SNRNP48: variants seen among roughly 807,000 people sequenced by gnomAD.
The protein encoded by SNRNP48 is small nuclear ribonucleoprotein U11/U12 subunit 48.
Under a neutral mutation model 47.0 loss-of-function variants are expected in SNRNP48, and 43 were observed. The observed-to-expected ratio is 0.92, with a 90% confidence interval of 0.72 to 1.18. The LOEUF (loss-of-function observed/expected upper bound fraction) is 1.18, where lower values mean the gene tolerates loss of function less well. Among genes scored for constraint, SNRNP48 ranks in the 50% most tolerant of loss-of-function variants. The pLI is 0.00. For synonymous variants in SNRNP48, 138 were observed against 144.0 expected (o/e 0.96, Z 0.30); for missense variants, 396 against 422.2 (o/e 0.94, Z 0.54).
In SNRNP48 at chr6:7,601,456, G is replaced by A. The variant is rs747673719; in HGVS notation, c.527G>A (p.Arg176His). The change falls in exon 5 of 9, where the codon CGC becomes CAC. Residue 176 changes from arginine (R) to histidine (H), a missense_variant. Physicochemically the swap from Arg to His is conservative, Grantham distance 29. Transcript: ENST00000342415. Reference sequence around the variant, plus strand: ...GTAGTTGAGGAGACAAAGAAAAAGCGCTCTGATTCTCAAATTATTGAAAAT... The same window carrying A: ...GTAGTTGAGGAGACAAAGAAAAAGCACTCTGATTCTCAAATTATTGAAAAT... ...DFVVEETKKKRSDSQIIENDS... is the reference protein window; with the variant it reads ...DFVVEETKKKHSDSQIIENDS... 3.9e-5 allele frequency: 63 copies of A among 1,601,162 alleles called. No individual in the cohort carries two copies. The highest frequency in any genetic ancestry group is 1.2e-4 in the African/African-American group (9 of 73,978).
intron 4 of SNRNP48, among the ~76,000 whole-genome samples, chr6:7,595,726 A>G (rs1339934714): frequency 1.3e-5 from 2 of 152,208 alleles, no homozygotes; most frequent in Non-Finnish European, 2.9e-5. Flanking sequence ...CTACCCTCAG[A>G]TTGCTTGCTA....
chr6:7,599,616 C>G, intron 4 of SNRNP48: 1 of 1,025,108 alleles, frequency 9.8e-7, no homozygotes, highest in Non-Finnish European at 1.3e-6. Flanking sequence ...TATCTATGTT[C>G]CGAATGAATT....
At chr6:7,597,370 ATC>A (rs1759922191) in intron 4 of SNRNP48, among the ~76,000 whole-genome samples, 1 of 152,232 alleles carries the variant, frequency 6.6e-6, no homozygotes, top group Admixed American at 6.5e-5. Flanking sequence ...CAAACTTCAT[ATC>A]TCTGCATACT....
At chr6:7,594,480 G>A (rs954879046) in intron 3 of SNRNP48, among the ~76,000 whole-genome samples, 12 of 152,114 alleles carry the variant, frequency 7.9e-5, no homozygotes, top group African/African-American at 2.7e-4. Flanking sequence ...TGTGTTCCAG[G>A]GATTGACAGC....
intron 8 of SNRNP48, 129 bp from the exon 9 acceptor site, chr6:7,608,696 C>T: frequency 2.5e-6 from 1 of 393,854 alleles, no homozygotes; most frequent in Non-Finnish European, 4.6e-6. Context: ...CCAGAAAATT[C>T]TTTTCAAATA....
At chr6:7,591,771 G>A (rs1288770272) in intron 1 of SNRNP48, among the ~76,000 whole-genome samples, 1 of 152,156 alleles carries the variant, frequency 6.6e-6, no homozygotes, top group East Asian at 1.9e-4. Context: ...TTATAGACGA[G>A]GAAAGGAACA....
intron 4 of SNRNP48, among the ~76,000 whole-genome samples, chr6:7,598,057 C>T (rs868618763): frequency 1.1e-4 from 16 of 151,168 alleles, no homozygotes; most frequent in East Asian, 4.0e-4. Flanking sequence ...TTAGTAGAGA[C>T]GGGGTTTCAC....
At chr6:7,594,535 G>C (rs919730901) in intron 3 of SNRNP48, among the ~76,000 whole-genome samples, 1 of 152,148 alleles carries the variant, frequency 6.6e-6, no homozygotes, top group Non-Finnish European at 1.5e-5. Context: ...AGAATGTCCT[G>C]ATTCAACTCC....
chr6:7,606,121 GAGTAGAAGCCCACATAAA>G lies in SNRNP48; in HGVS notation c.900_917del (p.Ser300_Lys305del). ...AGTGTTCACGACATAGAAGGGATAG[GAGTAGAAGCCCACATAAA>G]AGAAAAAGAAACAAAGATAAGGATA... On this transcript the variant is annotated inframe_deletion, in exon 8 of 9. Transcript: ENST00000342415. 1 of 1,613,920 alleles carries G rather than the reference GAGTAGAAGCCCACATAAA, an allele frequency of 6.2e-7. No homozygotes were observed. Among genetic ancestry groups the G allele is most frequent in the Non-Finnish European group, 8.5e-7 (1 of 1,179,958 alleles).
chr6:7,601,584 A>G, intron 5 of SNRNP48, 60 bp downstream of exon 5: 1 of 1,401,392 alleles, frequency 7.1e-7, no homozygotes, highest in Non-Finnish European at 9.4e-7. Context: ...TATGAGTGTT[A>G]TTAAGATGAT....
rs1010468785 is a variant in SNRNP48 at position 7,609,117 on chromosome 6, A to C, written c.*244A>C. The C allele has an allele frequency of 3.8e-6, 1 of 262,258 alleles. No individual in the cohort carries two copies. The highest frequency in any genetic ancestry group is 7.3e-6 in the Non-Finnish European group (1 of 137,356). The allele number at this position is 262,258 out of a possible 1,614,324, so 16.2% of individuals were successfully genotyped here. A position where few individuals can be genotyped will look rare whatever the true frequency, so the allele number is the denominator to read the frequency against. ...TTAGATGATTTGCTTCCTATAACTGATGTTGTTTTGTTCGTTTTGCTAATA... is the reference window on the plus strand; with the variant it reads ...TTAGATGATTTGCTTCCTATAACTGCTGTTGTTTTGTTCGTTTTGCTAATA... On this transcript the variant is annotated 3_prime_UTR_variant, in exon 9 of 9. Transcript: ENST00000342415.
intron 4 of SNRNP48, among the ~76,000 whole-genome samples, chr6:7,596,075 C>G (rs972471465): frequency 1.3e-5 from 2 of 152,128 alleles, no homozygotes; most frequent in African/African-American, 4.8e-5. Flanking sequence ...ACCACCCTGG[C>G]CAACATGGCG....
At chr6:7,604,430 T>C (rs997842320) in intron 6 of SNRNP48, among the ~76,000 whole-genome samples, 7 of 152,206 alleles carry the variant, frequency 4.6e-5, no homozygotes, top group Admixed American at 1.3e-4. Flanking sequence ...AGGGCTTCTC[T>C]GTTGAGAGAT....
rs1561717303 is a variant in SNRNP48 at position 7,609,912 on chromosome 6, A to G, written c.*1039A>G. ...CAAAATTCTCATACCCCCTTTCCCA[A>G]TCAATTCCTCTACCCCTAGCCCTAG... is the stretch of plus-strand genomic sequence containing the variant. On this transcript the variant is annotated 3_prime_UTR_variant, in exon 9 of 9. Transcript: ENST00000342415. 2.0e-5 allele frequency: 3 copies of G among 152,086 alleles called. No homozygotes were observed. Among genetic ancestry groups the G allele is most frequent in the South Asian group, 4.2e-4 (2 of 4,814 alleles). 9.4% of individuals were successfully genotyped at this position (152,086 alleles called of 1,614,324 possible). A position where few individuals can be genotyped will look rare whatever the true frequency, so the allele number is the denominator to read the frequency against.
At chr6:7,599,237 A>G (rs1283250917) in intron 4 of SNRNP48, among the ~76,000 whole-genome samples, 1 of 152,154 alleles carries the variant, frequency 6.6e-6, no homozygotes, top group Non-Finnish European at 1.5e-5. Flanking sequence ...GTTGAATGTT[A>G]TATGTTTAAG....
rs776321641 is a variant in SNRNP48 at position 7,606,060 on chromosome 6, A to C, written c.836A>C (p.Asp279Ala). The C allele has an allele frequency of 1.2e-6, 2 of 1,609,596 alleles. No homozygotes were observed. The highest frequency in any genetic ancestry group is 1.7e-5 in the Admixed American group (1 of 58,466). The stretch of plus-strand genomic sequence containing the variant: ...GAAGAAAGGCGATCAGCTTCAGTAG[A>C]TTCACGGCAGTCTGGTGGAAGCTAT... ...KNEERRSASV[D>A]SRQSGGSYLD... The change falls in exon 8 of 9, where the codon GAT becomes GCT. Residue 279 changes from aspartate to alanine, a missense_variant. Physicochemically the swap from Asp to Ala is moderately radical, Grantham distance 126. Coordinates refer to ENST00000342415, the MANE Select transcript of SNRNP48 (RefSeq NM_152551.4).
chr6:7,590,229 C>T lies in SNRNP48; in HGVS notation c.-29C>T, dbSNP rs775926648. The T allele has an allele frequency of 6.2e-6, 8 of 1,288,700 alleles. No homozygotes were observed. Among genetic ancestry groups the T allele is most frequent in the East Asian group, 2.9e-5 (1 of 34,506 alleles). 79.8% of individuals were successfully genotyped at this position (1,288,700 alleles called of 1,614,324 possible). A position where few individuals can be genotyped will look rare whatever the true frequency, so the allele number is the denominator to read the frequency against. Reference sequence around the variant, plus strand: ...CTGCGCGTGCGGTCTGCAGTTCGGCCGCTTCCTCTTGGCGGGTGGGCTGCA... The same window carrying T: ...CTGCGCGTGCGGTCTGCAGTTCGGCTGCTTCCTCTTGGCGGGTGGGCTGCA... On this transcript the variant is annotated 5_prime_UTR_variant, in exon 1 of 9. Transcript: ENST00000342415.
At chr6:7,608,772 A>G in intron 8 of SNRNP48, 53 bp from the exon 9 acceptor site, 1 of 985,204 alleles carries the variant, frequency 1.0e-6, no homozygotes, top group Non-Finnish European at 1.5e-6. Context: ...TAAAGCTCTG[A>G]TATTAAAATG....
rs2113711164 is a variant in SNRNP48 at position 7,590,342 on chromosome 6, T to C, written c.85T>C (p.Leu29=). 4 of 1,396,222 alleles carry C rather than the reference T, an allele frequency of 2.9e-6. No homozygotes were observed. The highest frequency in any genetic ancestry group is 2.8e-6 in the Non-Finnish European group (3 of 1,062,388). 86.5% of individuals were successfully genotyped at this position (1,396,222 alleles called of 1,614,324 possible). The change falls in exon 1 of 9, where the codon TTG becomes CTG. Residue 29 remains leucine, a synonymous_variant. Transcript: ENST00000342415. ...NEFVESGCRT[L]EEVTASLGWD... ...GTTCGTGGAGAGCGGCTGCCGGACGTTGGAGGAGGTGACCGCGTCCCTGGG... is the reference window on the plus strand; with the variant it reads ...GTTCGTGGAGAGCGGCTGCCGGACGCTGGAGGAGGTGACCGCGTCCCTGGG...
Sources: gnomAD v4.1 joint callset for allele counts (sites outside exome capture counted in the v4.1 genomes callset) on GRCh38, gnomAD v4.1.1 for gene constraint, MANE v1.5 for transcripts, NCBI Gene and HGNC (gene_info 2026-07-23, HGNC 2026-07-21) for gene names.